CACTIN: variants seen among roughly 807,000 people sequenced by gnomAD.
The protein encoded by CACTIN is cactin, spliceosome C complex subunit.
CACTIN carries 20 observed loss-of-function variants against 84.9 expected under a neutral mutation model. The observed-to-expected ratio is 0.24, with a 90% CI of 0.17 to 0.34. The LOEUF (loss-of-function observed/expected upper bound fraction) is 0.34, where lower values mean the gene tolerates loss of function less well. Ranked by LOEUF, CACTIN falls within the 10% of genes least tolerant of loss-of-function variation. The pLI is 1.00. For missense variants in CACTIN, 897 were observed against 1,117.2 expected (o/e 0.80, Z 2.81); for synonymous variants, 549 against 467.9 (o/e 1.17, Z -2.24).
At chr19:3,620,941 C>T (rs561975426) in intron 2 of CACTIN, 139 bp from the exon 3 acceptor site, 10 of 718,412 alleles carry the variant, frequency 1.4e-5, no homozygotes, top group Admixed American at 4.0e-5. Context: ...TCTTCCACCC[C>T]CTCCTTAACA....
intron 9 of CACTIN, chr19:3,612,770 TCTCCTCTGTCTTAGGA>T: frequency 1.4e-6 from 1 of 699,336 alleles, no homozygotes; most frequent in African/African-American, 1.7e-5. Flanking sequence ...GCCAGTATTT[TCTCCTCTGTCTTAGGA>T]CGGAGGCTGC....
chr19:3,621,078 A>G (rs2033214218), intron 2 of CACTIN: 1 of 537,624 alleles, frequency 1.9e-6, no homozygotes, highest in Non-Finnish European at 3.4e-6. Context: ...GGCCGCCCCA[A>G]CTCCCAACAG....
rs1168559759 is a variant in CACTIN, at chr19:3,611,744, T to C, written c.*179A>G. On this transcript the variant is annotated 3_prime_UTR_variant, in exon 10 of 10. Transcript: ENST00000429344. ...CCTCAGCTCACCATGGCAGGCTCAA[T>C]GGTGACCCCCCTTTTATATAGGAGG... is the stretch of plus-strand genomic sequence containing the variant. The C allele has an allele frequency of 3.7e-6, 3 of 819,006 alleles. No individual in the cohort carries two copies. Among genetic ancestry groups the C allele is most frequent in the Non-Finnish European group, 6.0e-6 (3 of 500,026 alleles). 50.7% of individuals were successfully genotyped at this position (819,006 alleles called of 1,614,324 possible).
intron 2 of CACTIN, 105 bp from the exon 3 acceptor site, chr19:3,620,907 G>C: frequency 1.2e-6 from 1 of 858,344 alleles, no homozygotes. Flanking sequence ...TTTGCAGAGA[G>C]AGGTGACCTG....
rs768963 is a variant in CACTIN at position 3,615,409 on chromosome 19, G to A, written c.1163-820C>T. The stretch of plus-strand genomic sequence containing the variant: ...ACCCCGCTGGGTCTGGCCTCACCTC[G>A]CAACCCTGCCCCTTGCTGCCCATGC... On this transcript the variant is annotated intron_variant, in intron 6 of 9. Transcript: ENST00000429344. The surrounding 1 kb of genome is among the most constrained non-coding windows in gnomAD (Gnocchi z 5.2). 0.5 allele frequency: 77,318 copies of A among 153,362 alleles called. 20,424 individuals carry two copies. Among genetic ancestry groups the A allele is most frequent in the Middle Eastern group, 0.59 (176 of 300 alleles). The allele number at this position is 153,362 out of a possible 1,614,324, so 9.5% of individuals were successfully genotyped here. A position where few individuals can be genotyped will look rare whatever the true frequency, so the allele number is the denominator to read the frequency against.
chr19:3,616,982 G>A (rs1379511129), intron 6 of CACTIN, among the ~76,000 whole-genome samples: 15 of 152,100 alleles, frequency 9.9e-5, no homozygotes, highest in African/African-American at 3.6e-4. Flanking sequence ...TTAGCTGGGC[G>A]TGATGGCGCG....
chr19:3,621,313 C>T (rs940586221), intron 2 of CACTIN, among the ~76,000 whole-genome samples: 3 of 152,184 alleles, frequency 2.0e-5, no homozygotes, highest in Admixed American at 2.0e-4. Flanking sequence ...CACAGCGGGG[C>T]ACAGGGGTGG....
In CACTIN at chr19:3,613,228, G is replaced by GCCTCGC. The variant is rs377027152; in HGVS notation, c.1610_1615dup (p.Gly537_Glu538dup). 27,816 of 1,611,094 alleles carry GCCTCGC rather than the reference G, an allele frequency of 0.017. 377 individuals carry two copies. Among genetic ancestry groups the GCCTCGC allele is most frequent in the South Asian group, 0.047 (4,249 of 91,064 alleles). On this transcript the variant is annotated inframe_insertion, in exon 9 of 10. Coordinates refer to ENST00000429344, the MANE Select transcript of CACTIN (RefSeq NM_001080543.2). ...GATCAGGTCCTCCTCCATGAGCACCGCCTCGCCCTCGCCCTCGCCCTCACC... is the reference window on the plus strand; with the variant it reads ...GATCAGGTCCTCCTCCATGAGCACCGCCTCGCCCTCGCCCTCGCCCTCGCCCTCACC...
intron 2 of CACTIN, among the ~76,000 whole-genome samples, chr19:3,622,935 TG>T (rs1404339829): frequency 6.6e-6 from 1 of 152,174 alleles, no homozygotes; most frequent in Non-Finnish European, 1.5e-5. Flanking sequence ...ACACAGTTAA[TG>T]GCAAGAAAAT....
Position 3,614,522 on chromosome 19 carries a change from T to C in CACTIN, c.1230A>G (p.Thr410=), listed in dbSNP as rs369402342. The change falls in exon 7 of 10, where the codon ACA becomes ACG. Residue 410 remains threonine, a synonymous_variant. Transcript: ENST00000429344. The part of the protein sequence containing the change: ...SDVQSVFKGK[T]YNQLQVIFQG... ...GGAAGATGACCTGCAGCTGGTTGTA[T>C]GTCTTCCCCTTGAACACCGACTGCA... 2 of 1,608,808 alleles carry C rather than the reference T, an allele frequency of 1.2e-6. No homozygotes were observed. Among genetic ancestry groups the C allele is most frequent in the African/African-American group, 1.3e-5 (1 of 74,814 alleles).
intron 9 of CACTIN, 162 bp downstream of exon 9, chr19:3,612,896 T>TGC (rs1248228494): frequency 1.2e-6 from 1 of 863,262 alleles, no homozygotes; most frequent in Non-Finnish European, 1.9e-6. Flanking sequence ...AACGCCCCAG[T>TGC]GCGCGTGCAG....
chr19:3,616,091 G>C (rs1323323218), intron 6 of CACTIN: 1 of 152,236 alleles, frequency 6.6e-6, no homozygotes, highest in African/African-American at 2.4e-5. Flanking sequence ...ATGCCCACAA[G>C]GGGGCCCGGG....
intron 4 of CACTIN, among the ~76,000 whole-genome samples, chr19:3,619,605 C>CA (rs1167409320): frequency 2.0e-5 from 3 of 152,168 alleles, no homozygotes; most frequent in African/African-American, 7.2e-5. Context: ...CCAGAGTAGT[C>CA]ACTGCCTTGC....
intron 6 of CACTIN, chr19:3,616,626 T>C (rs1599887584): frequency 6.6e-6 from 1 of 151,778 alleles, no homozygotes; most frequent in African/African-American, 2.4e-5. Flanking sequence ...AAAAAACTTA[T>C]TCATGTAACC....
At position 3,612,049 on chromosome 19, in the gene CACTIN, C is replaced by T. The variant is rs746239817; in HGVS notation, c.2151G>A (p.Glu717=). ...GGTTGACGATCTTGAAAGCGATGTC[C>T]TCGTAGGGCGGCCCCGCGTGGAAGC... ...ILRFHAGPPY[E]DIAFKIVNRE... Residue 717 remains glutamate, a synonymous_variant, in exon 10 of 10, where the codon GAG becomes GAA. Transcript: ENST00000429344. 1.2e-6 allele frequency: 2 copies of T among 1,613,872 alleles called. No homozygotes were observed. The highest frequency in any genetic ancestry group is 1.7e-6 in the Non-Finnish European group (2 of 1,179,906).
chr19:3,618,207 T>G (rs2033147744), intron 6 of CACTIN, among the ~76,000 whole-genome samples: 1 of 139,502 alleles, frequency 7.2e-6, no homozygotes, highest in African/African-American at 2.8e-5. Flanking sequence ...TCTAGGGCAA[T>G]TCTGCCCCCA....
At position 3,620,617 on chromosome 19, in the gene CACTIN, C is replaced by A; in HGVS notation, c.738+90G>T. On this transcript the variant is annotated intron_variant, in intron 3 of 9. Transcript: ENST00000429344. Reference sequence around the variant, plus strand: ...CCTGAAGCCAGCCCCCAGGACTTCCCACTTAAGCCCCTCAAGTCCTGCCAA... The same window carrying A: ...CCTGAAGCCAGCCCCCAGGACTTCCAACTTAAGCCCCTCAAGTCCTGCCAA... The A allele has an allele frequency of 3.9e-6, 4 of 1,021,692 alleles. No homozygotes were observed. In the South Asian group the frequency reaches 6.4e-5, roughly 16 times the overall value. The allele number at this position is 1,021,692 out of a possible 1,614,324, so 63.3% of individuals were successfully genotyped here.
intron 6 of CACTIN, among the ~76,000 whole-genome samples, chr19:3,617,942 T>C (rs556976159): frequency 7.9e-5 from 12 of 152,300 alleles, no homozygotes; most frequent in South Asian, 2.1e-4. Flanking sequence ...CCACAGGCTC[T>C]TTCCTAGGAA....
intron 2 of CACTIN, 37 bp from the exon 3 acceptor site, chr19:3,620,839 C>A (rs766482184): frequency 6.5e-7 from 1 of 1,548,750 alleles, no homozygotes; most frequent in Non-Finnish European, 8.9e-7. Context: ...GAGCACAGAC[C>A]CGCCCCCTCG....
Sources: gnomAD v4.1 joint callset for allele counts (sites outside exome capture counted in the v4.1 genomes callset) on GRCh38, gnomAD v4.1.1 for gene constraint, Gnocchi (gnomAD v3.1) non-coding constraint, MANE v1.5 for transcripts, NCBI Gene and HGNC (gene_info 2026-07-23, HGNC 2026-07-21) for gene names.